The following OTOGL variants were observed in gnomAD, a reference collection of about 807,000 sequenced individuals.
The protein encoded by OTOGL is otogelin like.
Under a neutral mutation model 318.5 loss-of-function variants are expected in OTOGL, and 285 were observed. The observed-to-expected ratio is 0.89, with a 90% CI of 0.81 to 0.99. The LOEUF (loss-of-function observed/expected upper bound fraction) is 0.99. Ranked by LOEUF, OTOGL falls within the 50% of genes least tolerant of loss-of-function variation. OTOGL has a pLI of 0.00. For missense variants in OTOGL, 2,899 were observed against 2,845.6 expected (o/e 1.02, Z -0.43); for synonymous variants, 987 against 936.5 (o/e 1.05, Z -0.99).
intron 1 of OTOGL, among the ~76,000 whole-genome samples, chr12:80,152,226 G>A (rs924640639): frequency 2.6e-5 from 4 of 152,236 alleles, no homozygotes; most frequent in East Asian, 1.9e-4. Context: ...GGCTCTTGGT[G>A]GTTGGGAGTT....
intron 11 of OTOGL, among the ~76,000 whole-genome samples, chr12:80,240,389 A>C (rs536906140): frequency 6.6e-6 from 1 of 152,252 alleles, no homozygotes; most frequent in African/African-American, 2.4e-5. Flanking sequence ...TTTCAAAAAC[A>C]ATGTTTGAAA....
chr12:80,302,818 A>C, intron 28 of OTOGL, 35 bp downstream of exon 28: 1 of 1,402,676 alleles, frequency 7.1e-7, no homozygotes, highest in Non-Finnish European at 9.3e-7. Context: ...AGATGTAATG[A>C]ATAAAATCAC....
intron 1 of OTOGL, among the ~76,000 whole-genome samples, chr12:80,164,264 A>G (rs1218902726): frequency 2.6e-5 from 4 of 152,152 alleles, no homozygotes; most frequent in Non-Finnish European, 5.9e-5. Context: ...CCTTCAAGGT[A>G]CTATTTCAGG....
Position 80,144,883 on chromosome 12 carries a change from A to G in OTOGL, c.-20+45278A>G, listed in dbSNP as rs1341529025. 2.5e-3 allele frequency among the ~76,000 whole-genome samples: 374 copies of G among 151,670 alleles called. 2 individuals are homozygous for G. Among genetic ancestry groups the G allele is most frequent in the African/African-American group, 8.6e-3 (356 of 41,224 alleles). On this transcript the variant is annotated intron_variant, in intron 1 of 58. Coordinates refer to ENST00000547103, the MANE Select transcript of OTOGL (RefSeq NM_001378609.3). ...TGAGAAGTGTCTGTTCATGTCCTTC[A>G]CCCACTTTTTGATGGGGTTGTTTGT...
At chr12:80,217,416 C>G (rs1273123176) in intron 4 of OTOGL, among the ~76,000 whole-genome samples, 182 bp from the exon 5 acceptor site, 1 of 152,104 alleles carries the variant, frequency 6.6e-6, no homozygotes, top group African/African-American at 2.4e-5. Context: ...GTCTTCTAAC[C>G]ACAACCTCAG....
chr12:80,114,488 G>A (rs959293254), intron 1 of OTOGL, among the ~76,000 whole-genome samples: 33 of 152,180 alleles, frequency 2.2e-4, no homozygotes, highest in Admixed American at 6.6e-5. Flanking sequence ...ATCTGCATTA[G>A]TCTGATGGGC....
intron 1 of OTOGL, among the ~76,000 whole-genome samples, chr12:80,186,071 A>G (rs554445875): frequency 6.8e-4 from 103 of 152,086 alleles, no homozygotes; most frequent in Non-Finnish European, 9.8e-4. Flanking sequence ...GGGTGTCCTT[A>G]AAGTCATACC....
chr12:80,225,567 A>G (rs1027538170), intron 7 of OTOGL, among the ~76,000 whole-genome samples: 1 of 152,168 alleles, frequency 6.6e-6, no homozygotes, highest in African/African-American at 2.4e-5. Flanking sequence ...ATCACTTAAG[A>G]GTTACCATTG....
chr12:80,370,996 A>G (rs2138095544), intron 56 of OTOGL, among the ~76,000 whole-genome samples: 1 of 152,200 alleles, frequency 6.6e-6, no homozygotes, highest in South Asian at 2.1e-4. Context: ...TTAATAAGCT[A>G]AGGAATCAGA....
rs374615153 is a variant in OTOGL at position 80,334,676 on chromosome 12, A to T, written c.4423-1287A>T. Among the ~76,000 whole-genome samples the T allele has an allele frequency of 2.2e-3, 329 of 152,272 alleles. 1 individual carries two copies. Among genetic ancestry groups the T allele is most frequent in the African/African-American group, 7.6e-3 (316 of 41,568 alleles). ...TCTGAAATCTAAGGAAAAGAATATT[A>T]TAAGGAATGTGGAGTAATAAGCTAT... On this transcript the variant is annotated intron_variant, in intron 38 of 58. Coordinates refer to ENST00000547103, the MANE Select transcript of OTOGL (RefSeq NM_001378609.3).
At chr12:80,219,703 TCTGTTTA>T in intron 5 of OTOGL, 104 bp from the exon 6 acceptor site, 2 of 724,270 alleles carry the variant, frequency 2.8e-6, no homozygotes, top group Non-Finnish European at 4.7e-6. Flanking sequence ...GGCTGAGAGT[TCTGTTTA>T]AGTTAATAGT....
chr12:80,293,846 T>C (rs986997166), intron 26 of OTOGL, among the ~76,000 whole-genome samples: 1 of 152,154 alleles, frequency 6.6e-6, no homozygotes, highest in Non-Finnish European at 1.5e-5. Context: ...ATGAATGCAC[T>C]GCTTTGGGGC....
At chr12:80,308,515 C>A (rs1886390992) in intron 29 of OTOGL, among the ~76,000 whole-genome samples, 1 of 151,388 alleles carries the variant, frequency 6.6e-6, no homozygotes, top group Non-Finnish European at 1.5e-5. Flanking sequence ...TCCTCACATC[C>A]CAGACGATGG....
chr12:80,360,529 T>G (rs1890179442), intron 52 of OTOGL, among the ~76,000 whole-genome samples: 1 of 150,346 alleles, frequency 6.7e-6, no homozygotes, highest in Admixed American at 6.6e-5. Context: ...GTCACCAGGC[T>G]GGAGTGCAGT....
intron 1 of OTOGL, among the ~76,000 whole-genome samples, chr12:80,186,685 C>G (rs1053922613): frequency 5.3e-5 from 8 of 152,108 alleles, no homozygotes; most frequent in African/African-American, 1.9e-4. Context: ...CTCCCCAACT[C>G]TTCTCTCCTT....
intron 38 of OTOGL, among the ~76,000 whole-genome samples, chr12:80,335,519 T>G (rs893522057): frequency 6.6e-6 from 1 of 152,120 alleles, no homozygotes; most frequent in Non-Finnish European, 1.5e-5. Flanking sequence ...CTCTAGGTGC[T>G]GTGAAACTGA....
chr12:80,128,805 G>C (rs533338850), intron 1 of OTOGL, among the ~76,000 whole-genome samples: 6 of 152,316 alleles, frequency 3.9e-5, no homozygotes, highest in Non-Finnish European at 8.8e-5. Context: ...TGCTAGCAAT[G>C]AGCGAGGCTT....
At chr12:80,258,468 A>G (rs1198066557) in intron 18 of OTOGL, among the ~76,000 whole-genome samples, 1 of 152,190 alleles carries the variant, frequency 6.6e-6, no homozygotes, top group African/African-American at 2.4e-5. Flanking sequence ...ATTAATACCT[A>G]AAAAGCAACA....
chr12:80,244,202 G>C (rs539507793), intron 11 of OTOGL, among the ~76,000 whole-genome samples: 7 of 150,478 alleles, frequency 4.7e-5, no homozygotes, highest in African/African-American at 1.7e-4. Context: ...TAAGTTTTAG[G>C]GTACATGTGC....
Sources: gnomAD v4.1 joint callset for allele counts (sites outside exome capture counted in the v4.1 genomes callset) on GRCh38, gnomAD v4.1.1 for gene constraint, MANE v1.5 for transcripts, NCBI Gene and HGNC (gene_info 2026-07-23, HGNC 2026-07-21) for gene names.